LDB2: variants seen among roughly 807,000 people sequenced by gnomAD.
LDB2 encodes the protein LIM domain-binding protein 2.
In LDB2, 12 loss-of-function variants were observed where a neutral mutation model predicts 44.3. That is an observed-to-expected ratio of 0.27 (90% CI 0.17 to 0.44). The LOEUF (loss-of-function observed/expected upper bound fraction) is 0.44. Among genes scored for constraint, LDB2 ranks in the 20% least tolerant of loss-of-function variants. The probability of loss-of-function intolerance (pLI) is 1.00; values close to 1 mark genes in which losing one functional copy is unlikely to be tolerated. For synonymous variants in LDB2, 164 were observed against 174.8 expected (o/e 0.94, Z 0.49); for missense variants, 344 against 473.5 (o/e 0.73, Z 2.54).
intron 2 of LDB2, among the ~76,000 whole-genome samples, chr4:16,654,472 A>C (rs755342561): frequency 6.6e-6 from 1 of 152,212 alleles, no homozygotes; most frequent in Non-Finnish European, 1.5e-5. Flanking sequence ...ATCCCATAGG[A>C]GAAGCAGGTC....
chr4:16,557,106 G>A (rs548325926), intron 5 of LDB2, among the ~76,000 whole-genome samples: 2 of 152,158 alleles, frequency 1.3e-5, no homozygotes, highest in African/African-American at 4.8e-5. Flanking sequence ...CAAGATGGCC[G>A]AATAGGAACA....
intron 2 of LDB2, among the ~76,000 whole-genome samples, chr4:16,746,657 C>T (rs1391007291): frequency 2.6e-5 from 4 of 152,028 alleles, no homozygotes; most frequent in African/African-American, 9.7e-5. Flanking sequence ...CATGGTGGCA[C>T]GCGCCTGTAG....
rs184349022 is a variant in LDB2 at position 16,814,140 on chromosome 4, G to A, written c.133-54880C>T. Among the ~76,000 whole-genome samples, 893 of 152,262 alleles carry A rather than the reference G, an allele frequency of 5.9e-3. 8 individuals are homozygous for A. The highest frequency in any genetic ancestry group is 0.023 in the South Asian group (111 of 4,820). On this transcript the variant is annotated intron_variant, in intron 1 of 7. Transcript: ENST00000304523. ...CCGCCTCGGCCTTCCAAAGTGTTGGGATTACAGGCGTGAGCCACCGCACCC... is the reference window on the plus strand; with the variant it reads ...CCGCCTCGGCCTTCCAAAGTGTTGGAATTACAGGCGTGAGCCACCGCACCC...
chr4:16,715,355 A>C (rs922925121), intron 2 of LDB2, among the ~76,000 whole-genome samples: 1 of 152,204 alleles, frequency 6.6e-6, no homozygotes, highest in Admixed American at 6.5e-5. Context: ...CACAGTAGGC[A>C]CTCAACACAG....
intron 2 of LDB2, among the ~76,000 whole-genome samples, chr4:16,747,600 A>C (rs1764651258): frequency 6.6e-6 from 1 of 152,238 alleles, no homozygotes; most frequent in Non-Finnish European, 1.5e-5. Context: ...AGTACTTCTC[A>C]TATATGACAT....
chr4:16,581,805 G>A (rs1490375513), intron 5 of LDB2, among the ~76,000 whole-genome samples: 3 of 152,076 alleles, frequency 2.0e-5, no homozygotes, highest in Non-Finnish European at 4.4e-5. Flanking sequence ...TGTGACCTTG[G>A]GAAGTTACTT....
chr4:16,727,797 CT>C, intron 2 of LDB2, among the ~76,000 whole-genome samples: 1 of 151,950 alleles, frequency 6.6e-6, no homozygotes. Context: ...CTTTGTTTTG[CT>C]TTTTTAAGAT....
chr4:16,849,182 C>T (rs913836327), intron 1 of LDB2, among the ~76,000 whole-genome samples: 3 of 152,128 alleles, frequency 2.0e-5, no homozygotes, highest in Non-Finnish European at 4.4e-5. Flanking sequence ...TTGGCTCCTG[C>T]CTGTTAGTTC....
intron 1 of LDB2, among the ~76,000 whole-genome samples, chr4:16,829,227 G>A (rs1184433249): frequency 2.6e-5 from 4 of 152,062 alleles, no homozygotes; most frequent in Non-Finnish European, 4.4e-5. Context: ...CCAGTCAATC[G>A]GTGGTGAGAA....
chr4:16,783,615 C>G (rs983505890), intron 1 of LDB2, among the ~76,000 whole-genome samples: 1 of 152,242 alleles, frequency 6.6e-6, no homozygotes, highest in Non-Finnish European at 1.5e-5. Flanking sequence ...AGCCTTGCAG[C>G]TGTACTGTGT....
chr4:16,557,203 G>C (rs1739982412), intron 5 of LDB2, among the ~76,000 whole-genome samples: 1 of 152,190 alleles, frequency 6.6e-6, no homozygotes, highest in Non-Finnish European at 1.5e-5. Context: ...CATCTCACTA[G>C]GGAGTGCTGG....
intron 1 of LDB2, among the ~76,000 whole-genome samples, chr4:16,814,016 C>T (rs753389643): frequency 7.2e-5 from 11 of 152,038 alleles, no homozygotes; most frequent in East Asian, 1.9e-4. Context: ...GGACTACAGG[C>T]GCCCACCACC....
At chr4:16,584,649 C>A (rs1265932294) in intron 5 of LDB2, among the ~76,000 whole-genome samples, 1 of 152,214 alleles carries the variant, frequency 6.6e-6, no homozygotes, top group Admixed American at 6.5e-5. Context: ...TGCCCAAACC[C>A]ATACATGATT....
chr4:16,851,566 T>G (rs1441929077), intron 1 of LDB2, among the ~76,000 whole-genome samples: 2 of 150,704 alleles, frequency 1.3e-5, no homozygotes, highest in African/African-American at 4.9e-5. Flanking sequence ...TGCACTCCAG[T>G]CTGGGTGAAA....
intron 2 of LDB2, among the ~76,000 whole-genome samples, chr4:16,659,532 C>T (rs1740854743): frequency 1.3e-5 from 2 of 151,802 alleles, no homozygotes; most frequent in African/African-American, 4.8e-5. Context: ...TTAACTTATT[C>T]AGCTAATTGT....
rs1578101619 is a variant in LDB2, at chr4:16,596,827, G to C, written c.236-952C>G. Reference sequence around the variant, plus strand: ...CAGGATGCTTAGAAATCTGTAACAAGCCCTTTTTTCAGCAGCGATTTGAAA... The same window carrying C: ...CAGGATGCTTAGAAATCTGTAACAACCCCTTTTTTCAGCAGCGATTTGAAA... On this transcript the variant is annotated intron_variant, in intron 2 of 7. Coordinates refer to ENST00000304523, the MANE Select transcript of LDB2 (RefSeq NM_001290.5). 2.6e-5 allele frequency among the ~76,000 whole-genome samples: 4 copies of C among 152,096 alleles called. No individual in the cohort carries two copies. In the South Asian group the frequency reaches 8.3e-4, roughly 31 times the overall value.
intron 2 of LDB2, among the ~76,000 whole-genome samples, chr4:16,614,573 G>GAA (rs1282791131): frequency 1.1e-4 from 3 of 26,768 alleles, no homozygotes; most frequent in Non-Finnish European, 2.5e-4. Context: ...ACATTTACAA[G>GAA]AAAAAACAAA....
Position 16,502,388 on chromosome 4 carries a change from A to T in LDB2, c.*255T>A. The stretch of plus-strand genomic sequence containing the variant: ...AGAAGATGCGCTAGAGTTTTCTCTC[A>T]TTTTAATTACAATCAGTGCCAGTAT... On this transcript the variant is annotated 3_prime_UTR_variant, in exon 8 of 8. Transcript: ENST00000304523. 2.1e-6 allele frequency: 1 copy of T among 481,310 alleles called. No homozygotes were observed. The highest frequency in any genetic ancestry group is 3.2e-5 in the South Asian group (1 of 31,184). 29.8% of individuals were successfully genotyped at this position (481,310 alleles called of 1,614,324 possible).
At chr4:16,769,632 A>G (rs1390228170) in intron 1 of LDB2, among the ~76,000 whole-genome samples, 3 of 148,826 alleles carry the variant, frequency 2.0e-5, no homozygotes, top group Admixed American at 6.7e-5. Context: ...TAAACAACTC[A>G]TGTTCTAGAG....
Sources: allele counts gnomAD v4.1 joint callset (sites outside exome capture counted in the v4.1 genomes callset), GRCh38; gene constraint gnomAD v4.1.1; transcripts MANE v1.5; gene names NCBI Gene and HGNC (gene_info 2026-07-23, HGNC 2026-07-21).